CDKL4: variants seen among roughly 807,000 people sequenced by gnomAD.
The protein encoded by CDKL4 is cyclin-dependent kinase-like 4.
CDKL4 carries 44 observed loss-of-function variants against 42.0 expected under a neutral mutation model. The observed-to-expected ratio is 1.05, with a 90% CI of 0.82 to 1.35. The LOEUF (loss-of-function observed/expected upper bound fraction) is 1.35, where lower values mean the gene tolerates loss of function less well. Among genes scored for constraint, CDKL4 ranks in the 40% most tolerant of loss-of-function variants. The pLI is 0.00. For synonymous variants in CDKL4, 120 were observed against 121.6 expected (o/e 0.99, Z 0.09); for missense variants, 393 against 369.9 (o/e 1.06, Z -0.51).
In CDKL4 at chr2:39,203,075, G is replaced by C. The variant is rs1056151518; in HGVS notation, c.454+1452C>G. Reference sequence around the variant, plus strand: ...GTGTTCATGCAGTCAAAATTTCTGAGACAGATGACCCTAACATTGAACTCA... The same window carrying C: ...GTGTTCATGCAGTCAAAATTTCTGACACAGATGACCCTAACATTGAACTCA... On this transcript the variant is annotated intron_variant, in intron 5 of 9. Coordinates refer to ENST00000451199, the Ensembl canonical transcript of CDKL4. Among the ~76,000 whole-genome samples the C allele has an allele frequency of 2.0e-5, 3 of 152,268 alleles. No individual in the cohort carries two copies. In the South Asian group the frequency reaches 6.2e-4, roughly 32 times the overall value.
In CDKL4 at chr2:39,179,360, G is replaced by T. The variant is rs373367681; in HGVS notation, c.793-39C>A. ...GAATAGCAAAGAAGATGTTAAGGGA[G>T]GGGCTCATTTTGTTACCGTGCCCAC... On this transcript the variant is annotated intron_variant, in intron 8 of 9. Transcript: ENST00000451199. 4 of 1,504,942 alleles carry T rather than the reference G, an allele frequency of 2.7e-6. No individual in the cohort carries two copies. In the African/African-American group the frequency reaches 4.2e-5, roughly 16 times the overall value. The allele number at this position is 1,504,942 out of a possible 1,614,324, so 93.2% of individuals were successfully genotyped here.
chr2:39,246,531 C>G (rs1679920453), upstream of CDKL4, among the ~76,000 whole-genome samples: 1 of 152,234 alleles, frequency 6.6e-6, no homozygotes, highest in Admixed American at 6.5e-5. Context: ...TTTTATGCAG[C>G]TTCCTGCCCT....
intron 4 of CDKL4, among the ~76,000 whole-genome samples, chr2:39,210,318 C>A (rs1403216437): frequency 2.6e-5 from 4 of 152,040 alleles, no homozygotes; most frequent in Admixed American, 2.6e-4. Flanking sequence ...TTAATAGAGG[C>A]CACATATTAT....
intron 6 of CDKL4, among the ~76,000 whole-genome samples, chr2:39,189,589 C>T (rs1410877557): frequency 6.6e-6 from 1 of 152,146 alleles, no homozygotes; most frequent in African/African-American, 2.4e-5. Flanking sequence ...CTTAGGATCT[C>T]GGGCAGGAGT....
At chr2:39,207,512 G>C (rs1349899503) in intron 4 of CDKL4, among the ~76,000 whole-genome samples, 1 of 152,144 alleles carries the variant, frequency 6.6e-6, no homozygotes, top group Non-Finnish European at 1.5e-5. Context: ...GATTGCATTA[G>C]AACAGGTTAT....
chr2:39,229,486 C>T, exon 2 of CDKL4: 3 of 1,611,570 alleles, frequency 1.9e-6, no homozygotes, highest in South Asian at 2.2e-5. Context: ...GAATACAACC[C>T]CATAAGACCC....
chr2:39,242,037 CTTTTTCCTTTTTT>C (rs1679687479), intron 1 of CDKL4, among the ~76,000 whole-genome samples: 1 of 148,754 alleles, frequency 6.7e-6, no homozygotes, highest in Non-Finnish European at 1.5e-5. Flanking sequence ...TTTTCTTTTT[CTTTTTCCTTTTTT>C]TTTTTTTTTA....
chr2:39,234,313 AC>A (rs1163207073), intron 1 of CDKL4, among the ~76,000 whole-genome samples: 1 of 152,220 alleles, frequency 6.6e-6, no homozygotes, highest in Non-Finnish European at 1.5e-5. Flanking sequence ...TCAGAAAAAG[AC>A]AAAATCATCT....
chr2:39,182,748 G>A (rs1331277456), intron 8 of CDKL4, among the ~76,000 whole-genome samples: 1 of 152,222 alleles, frequency 6.6e-6, no homozygotes, highest in Non-Finnish European at 1.5e-5. Flanking sequence ...TATAGTGATA[G>A]GATCATCATG....
At chr2:39,214,984 C>A (rs1677827832) in intron 3 of CDKL4, among the ~76,000 whole-genome samples, 1 of 152,204 alleles carries the variant, frequency 6.6e-6, no homozygotes, top group Non-Finnish European at 1.5e-5. Flanking sequence ...ATTACATTCT[C>A]TGTAACTTTT....
At chr2:39,204,091 CTCTT>C (rs1677018416) in intron 5 of CDKL4, among the ~76,000 whole-genome samples, 8 of 152,192 alleles carry the variant, frequency 5.3e-5, no homozygotes, top group Admixed American at 4.6e-4. Context: ...TGAATCCTCT[CTCTT>C]TAATTTTCAG....
chr2:39,206,756 A>C (rs567883284), intron 4 of CDKL4, among the ~76,000 whole-genome samples: 3 of 152,388 alleles, frequency 2.0e-5, no homozygotes, highest in South Asian at 2.1e-4. Flanking sequence ...GCAAGTGGCC[A>C]CTGACAGAAT....
chr2:39,238,135 A>G (rs1250797595), intron 1 of CDKL4, among the ~76,000 whole-genome samples: 1 of 152,244 alleles, frequency 6.6e-6, no homozygotes. Flanking sequence ...AAATTCATCT[A>G]TAAACTAATT....
intron 1 of CDKL4, among the ~76,000 whole-genome samples, chr2:39,233,912 C>CTTT (rs35337082): frequency 1.1e-5 from 1 of 90,616 alleles, no homozygotes; most frequent in African/African-American, 3.9e-5. Flanking sequence ...TTTATTTTTA[C>CTTT]TTTTTTTTTT....
intron 8 of CDKL4, among the ~76,000 whole-genome samples, chr2:39,181,673 T>G (rs1675445721): frequency 6.6e-6 from 1 of 152,172 alleles, no homozygotes; most frequent in African/African-American, 2.4e-5. Context: ...CAATTACAGT[T>G]GGTTTCCTTA....
intron 1 of CDKL4, among the ~76,000 whole-genome samples, chr2:39,234,628 A>G (rs927939539): frequency 6.6e-6 from 1 of 152,216 alleles, no homozygotes; most frequent in East Asian, 1.9e-4. Flanking sequence ...GGTAGTTGGG[A>G]AAACTGACCC....
At chr2:39,168,021 A>G in the CDKL4 span, among the ~76,000 whole-genome samples, 2 of 152,206 alleles carry the variant, frequency 1.3e-5, no homozygotes, top group Non-Finnish European at 2.9e-5. Flanking sequence ...GAACATAGTC[A>G]AGTTATATAT....
At chr2:39,227,465 C>T (rs1179386280) in intron 2 of CDKL4, among the ~76,000 whole-genome samples, 1 of 152,098 alleles carries the variant, frequency 6.6e-6, no homozygotes, top group Non-Finnish European at 1.5e-5. Context: ...AAAAGAGAAT[C>T]CATTATACAT....
At chr2:39,210,427 C>T (rs1434247160) in intron 4 of CDKL4, among the ~76,000 whole-genome samples, 1 of 152,176 alleles carries the variant, frequency 6.6e-6, no homozygotes, top group Non-Finnish European at 1.5e-5. Context: ...TAATGTTTGG[C>T]TCCACTGGAA....
Sources: allele counts gnomAD v4.1 joint callset (sites outside exome capture counted in the v4.1 genomes callset), GRCh38; gene constraint gnomAD v4.1.1; transcripts MANE v1.5; gene names NCBI Gene and HGNC (gene_info 2026-07-23, HGNC 2026-07-21).